COL23A1: variants seen among roughly 807,000 people sequenced by gnomAD.
The protein encoded by COL23A1 is collagen alpha-1(XXIII) chain.
A neutral mutation model predicts 99.3 loss-of-function variants in COL23A1; 97 were observed. The ratio of observed to expected loss-of-function variants is 0.98; its 90% CI spans 0.83 to 1.16. The LOEUF is 1.16. Ranked by LOEUF, COL23A1 falls within the 50% of genes most tolerant of loss-of-function variation. The pLI is 0.00. For missense variants in COL23A1, 762 were observed against 757.4 expected (o/e 1.01, Z -0.07); for synonymous variants, 320 against 308.2 (o/e 1.04, Z -0.40).
At chr5:178,504,862 C>G (rs1005869291) in intron 2 of COL23A1, among the ~76,000 whole-genome samples, 2 of 152,112 alleles carry the variant, frequency 1.3e-5, no homozygotes, top group Non-Finnish European at 2.9e-5. Context: ...ACCAGAAATC[C>G]GAGTTTTACA....
At position 178,238,664 on chromosome 5, in the gene COL23A1, A is replaced by G. The variant is rs193029360; in HGVS notation, c.*34T>C. On this transcript the variant is annotated 3_prime_UTR_variant, in exon 29 of 29. Transcript: ENST00000390654. ...TTTTACAAAAATTAAAAATGTCCAC[A>G]CGGATCTGTACAGGTGTGAGCTGGG... 1.1e-5 allele frequency: 18 copies of G among 1,611,776 alleles called. No homozygotes were observed. The Admixed American group carries it at 2.5e-4, about 22-fold the overall frequency.
chr5:178,255,108 T>C lies in COL23A1; in HGVS notation c.883-82A>G, dbSNP rs1765233685. The C allele has an allele frequency of 2.6e-6, 3 of 1,173,614 alleles. No homozygotes were observed. Among genetic ancestry groups the C allele is most frequent in the South Asian group, 1.2e-5 (1 of 80,980 alleles). 72.7% of individuals were successfully genotyped at this position (1,173,614 alleles called of 1,614,324 possible). A position where few individuals can be genotyped will look rare whatever the true frequency, so the allele number is the denominator to read the frequency against. On this transcript the variant is annotated intron_variant, in intron 15 of 28. Transcript: ENST00000390654. The surrounding 1 kb of genome is among the most constrained non-coding windows in gnomAD (Gnocchi z 4.2). ...AAGTGGCAGCTGTCCCTGCATCACA[T>C]CCAGAGAGAAAGCAATGGAAGAGCC...
intron 1 of COL23A1, among the ~76,000 whole-genome samples, chr5:178,574,993 T>A (rs1763277903): frequency 1.3e-5 from 2 of 152,198 alleles, no homozygotes; most frequent in African/African-American, 4.8e-5. Context: ...GCAATCTTCA[T>A]CCTGGTATCT....
At chr5:178,326,881 G>A (rs1307287492) in intron 2 of COL23A1, among the ~76,000 whole-genome samples, 4 of 152,166 alleles carry the variant, frequency 2.6e-5, no homozygotes, top group Non-Finnish European at 5.9e-5. Context: ...CACCACGCCT[G>A]GCTAATTTTC....
At chr5:178,442,083 C>G (rs866807091) in intron 2 of COL23A1, among the ~76,000 whole-genome samples, 1 of 152,022 alleles carries the variant, frequency 6.6e-6, no homozygotes, top group South Asian at 2.1e-4. Context: ...AAACCACGCA[C>G]GCCGAGTCCT....
At chr5:178,534,973 T>TA (rs1491294236) in intron 2 of COL23A1, among the ~76,000 whole-genome samples, 5 of 56,710 alleles carry the variant, frequency 8.8e-5, no homozygotes, top group Admixed American at 7.7e-4. Context: ...TTCCTTTTTC[T>TA]TTTTTTTTTT....
intron 2 of COL23A1, among the ~76,000 whole-genome samples, chr5:178,431,905 T>A (rs1047100419): frequency 6.6e-6 from 1 of 152,222 alleles, no homozygotes; most frequent in African/African-American, 2.4e-5. Context: ...CATATCAAAG[T>A]TGTCTGTGGT....
intron 2 of COL23A1, among the ~76,000 whole-genome samples, chr5:178,475,504 C>T (rs1271370642): frequency 2.0e-5 from 3 of 152,218 alleles, no homozygotes; most frequent in African/African-American, 7.2e-5. Flanking sequence ...ATAATAAATG[C>T]TTGCTTTGTA....
Position 178,300,735 on chromosome 5 carries a change from A to ATTTATTTT in COL23A1, c.406+6139_406+6140insAAAATAAA, listed in dbSNP as rs1554134211. On this transcript the variant is annotated intron_variant, in intron 3 of 28. Coordinates refer to ENST00000390654, the MANE Select transcript of COL23A1 (RefSeq NM_173465.4). Reference sequence around the variant, plus strand: ...GGCTAGCTTTTGTATTTATTTATTTATTTTTTTTAGTAGAGATGGGATTTC... The same window carrying ATTTATTTT: ...GGCTAGCTTTTGTATTTATTTATTTATTTATTTTTTTTTTTTAGTAGAGATGGGATTTC... Among the ~76,000 whole-genome samples, 258 of 150,474 alleles carry ATTTATTTT rather than the reference A, an allele frequency of 1.7e-3. 5 individuals carry two copies. In the South Asian group the frequency reaches 0.018, roughly 10 times the overall value.
At chr5:178,567,806 A>T (rs1762908776) in intron 1 of COL23A1, among the ~76,000 whole-genome samples, 1 of 151,860 alleles carries the variant, frequency 6.6e-6, no homozygotes, top group African/African-American at 2.4e-5. Context: ...AATAAATTAA[A>T]TATCCTTGAG....
At chr5:178,500,563 C>T (rs866653461) in intron 2 of COL23A1, among the ~76,000 whole-genome samples, 8 of 150,836 alleles carry the variant, frequency 5.3e-5, no homozygotes, top group Non-Finnish European at 8.8e-5. Context: ...CATGATTGCA[C>T]CACTGTACTC....
At chr5:178,431,110 G>T (rs1428472373) in intron 2 of COL23A1, among the ~76,000 whole-genome samples, 1 of 152,192 alleles carries the variant, frequency 6.6e-6, no homozygotes, top group Admixed American at 6.5e-5. Flanking sequence ...AGCACCGCCA[G>T]CTTATGGGAT....
intron 1 of COL23A1, among the ~76,000 whole-genome samples, chr5:178,572,028 A>C (rs1178882125): frequency 1.4e-5 from 2 of 142,078 alleles, no homozygotes; most frequent in African/African-American, 2.7e-5. Flanking sequence ...AGATTGCGCC[A>C]CTGCACTCCA....
At chr5:178,242,421 C>T (rs1278149601) in intron 25 of COL23A1, 27 bp from the exon 26 acceptor site, 9 of 1,612,252 alleles carry the variant, frequency 5.6e-6, no homozygotes, top group Admixed American at 1.7e-5. Flanking sequence ...ATGCTAAACC[C>T]GAAAATGAGG....
chr5:178,262,193 C>A, intron 10 of COL23A1, 24 bp downstream of exon 10: 1 of 1,574,004 alleles, frequency 6.4e-7, no homozygotes, highest in African/African-American at 1.3e-5. Flanking sequence ...CAGCCCAGGC[C>A]TCTGGAATGC....
chr5:178,531,689 C>T (rs1760660602), intron 2 of COL23A1, among the ~76,000 whole-genome samples: 1 of 152,222 alleles, frequency 6.6e-6, no homozygotes, highest in Non-Finnish European at 1.5e-5. Context: ...GTCTTTCCAA[C>T]TTATTTTGTT....
chr5:178,442,661 C>G (rs77100531), intron 2 of COL23A1, among the ~76,000 whole-genome samples: 210 of 152,314 alleles, frequency 1.4e-3, no homozygotes, highest in African/African-American at 4.9e-3. Context: ...GCAGCAGAAG[C>G]TGCTCTTTAA....
chr5:178,327,529 G>A (rs957287226), intron 2 of COL23A1, among the ~76,000 whole-genome samples: 18 of 152,136 alleles, frequency 1.2e-4, no homozygotes, highest in Non-Finnish European at 2.2e-4. Flanking sequence ...GAATGGGCTG[G>A]TTCAGACTCG....
At chr5:178,582,171 C>T (rs185601723) in intron 1 of COL23A1, among the ~76,000 whole-genome samples, 4 of 137,858 alleles carry the variant, frequency 2.9e-5, no homozygotes, top group African/African-American at 1.1e-4. Flanking sequence ...CACACGACTG[C>T]ACTCCAGCCT....
Sources: gnomAD v4.1 joint callset for allele counts (sites outside exome capture counted in the v4.1 genomes callset) on GRCh38, gnomAD v4.1.1 for gene constraint, Gnocchi (gnomAD v3.1) non-coding constraint, MANE v1.5 for transcripts, NCBI Gene and HGNC (gene_info 2026-07-23, HGNC 2026-07-21) for gene names.